GRK5: variants seen among roughly 807,000 people sequenced by gnomAD.
GRK5 encodes g protein-coupled receptor kinase GRK5.
In GRK5, 40 loss-of-function variants were observed where a neutral mutation model predicts 78.4. The ratio of observed to expected loss-of-function variants is 0.51; its 90% CI spans 0.40 to 0.66. The LOEUF is 0.66. Among genes scored for constraint, GRK5 ranks in the 30% least tolerant of loss-of-function variants. The probability of loss-of-function intolerance (pLI) is 0.00; values close to 1 mark genes in which losing one functional copy is unlikely to be tolerated. For missense variants in GRK5, 598 were observed against 759.9 expected, an observed-to-expected ratio of 0.79 and a Z score of 2.50; for synonymous variants, 289 against 296.8, an observed-to-expected ratio of 0.97 and a Z score of 0.27.
At chr10:119,256,091 C>T (rs974242050) in intron 1 of GRK5, among the ~76,000 whole-genome samples, 7 of 152,160 alleles carry the variant, frequency 4.6e-5, no homozygotes, top group South Asian at 2.1e-4. Flanking sequence ...TAGAAGACAC[C>T]GAGACTTGGT....
At chr10:119,340,960 C>T (rs577472338) in intron 2 of GRK5, among the ~76,000 whole-genome samples, 1 of 152,126 alleles carries the variant, frequency 6.6e-6, no homozygotes, top group Non-Finnish European at 1.5e-5. Context: ...GACCCTTTCT[C>T]GTAAAGCTGT....
rs930370268 is a variant in GRK5 at position 119,378,545 on chromosome 10, C to A, written c.149-2270C>A. Among the ~76,000 whole-genome samples, 1 of 152,272 alleles carries A rather than the reference C, an allele frequency of 6.6e-6. No individual in the cohort carries two copies. Among genetic ancestry groups the A allele is most frequent in the Non-Finnish European group, 1.5e-5 (1 of 68,046 alleles). Reference sequence around the variant, plus strand: ...ATGAAAGAAGGGGGCCTGGCCGCGGCTCTTTCCGTTCCAGGAGGCAGACAG... The same window carrying A: ...ATGAAAGAAGGGGGCCTGGCCGCGGATCTTTCCGTTCCAGGAGGCAGACAG... On this transcript the variant is annotated intron_variant, in intron 2 of 15. Coordinates refer to ENST00000392870, the MANE Select transcript of GRK5 (RefSeq NM_005308.3). The surrounding 1 kb of genome is among the most constrained non-coding windows in gnomAD (Gnocchi z 4.5).
chr10:119,247,924 G>A (rs1238046594), intron 1 of GRK5, among the ~76,000 whole-genome samples: 1 of 152,182 alleles, frequency 6.6e-6, no homozygotes, highest in Non-Finnish European at 1.5e-5. Flanking sequence ...CTGACATTTG[G>A]TGATAATCTT....
At chr10:119,325,584 G>C (rs538790863) in intron 1 of GRK5, among the ~76,000 whole-genome samples, 1 of 152,224 alleles carries the variant, frequency 6.6e-6, no homozygotes, top group African/African-American at 2.4e-5. Context: ...AAGCGCCACT[G>C]TAAGGGTGGA....
intron 2 of GRK5, among the ~76,000 whole-genome samples, chr10:119,330,551 C>A (rs552054084): frequency 6.6e-6 from 1 of 152,142 alleles, no homozygotes; most frequent in African/African-American, 2.4e-5. Context: ...AGGGAGGATG[C>A]GGACATTCAG....
chr10:119,256,945 A>G (rs61874475), intron 1 of GRK5, among the ~76,000 whole-genome samples: 1 of 152,292 alleles, frequency 6.6e-6, no homozygotes, highest in Non-Finnish European at 1.5e-5. Flanking sequence ...CTCTGGATTT[A>G]TCTATTGTGG....
chr10:119,365,090 A>G (rs928592231), intron 2 of GRK5, among the ~76,000 whole-genome samples: 1 of 152,344 alleles, frequency 6.6e-6, no homozygotes, highest in Non-Finnish European at 1.5e-5. Context: ...GCAGCGCCCC[A>G]GGCTGAGACA....
intron 2 of GRK5, among the ~76,000 whole-genome samples, chr10:119,362,600 G>A (rs544927047): frequency 1.3e-3 from 205 of 152,320 alleles, no homozygotes; most frequent in Middle Eastern, 0.01. Flanking sequence ...GTGTCTCACA[G>A]GGAAGAAGAA....
chr10:119,406,110 C>T (rs891961869), intron 4 of GRK5, among the ~76,000 whole-genome samples: 2 of 152,204 alleles, frequency 1.3e-5, no homozygotes, highest in African/African-American at 4.8e-5. Flanking sequence ...CTGCGACTTT[C>T]TACTTCATGA....
chr10:119,256,747 A>G (rs964114602), intron 1 of GRK5, among the ~76,000 whole-genome samples: 5 of 152,168 alleles, frequency 3.3e-5, no homozygotes, highest in African/African-American at 1.2e-4. Context: ...TTCACGTACC[A>G]TAATATTCTC....
intron 1 of GRK5, among the ~76,000 whole-genome samples, chr10:119,246,877 C>T (rs1397456312): frequency 6.6e-6 from 1 of 152,162 alleles, no homozygotes; most frequent in Non-Finnish European, 1.5e-5. Flanking sequence ...GGCTGGTCTC[C>T]TCGTGGATTT....
chr10:119,321,254 G>T (rs191645653), intron 1 of GRK5, among the ~76,000 whole-genome samples: 4 of 152,298 alleles, frequency 2.6e-5, no homozygotes, highest in African/African-American at 9.6e-5. Context: ...TCATTTAGGG[G>T]GATCCCCTGC....
At chr10:119,274,130 G>C (rs934720971) in intron 1 of GRK5, among the ~76,000 whole-genome samples, 13 of 152,170 alleles carry the variant, frequency 8.5e-5, no homozygotes, top group African/African-American at 3.1e-4. Flanking sequence ...TTGAAGCAAA[G>C]CTTGGTTAGC....
intron 1 of GRK5, among the ~76,000 whole-genome samples, chr10:119,297,929 C>T (rs1850111336): frequency 1.3e-5 from 2 of 152,202 alleles, no homozygotes; most frequent in Admixed American, 6.5e-5. Flanking sequence ...CTCTGAGCAG[C>T]ATTTGAAATT....
intron 1 of GRK5, among the ~76,000 whole-genome samples, chr10:119,269,355 G>A (rs1489415688): frequency 6.6e-6 from 1 of 152,174 alleles, no homozygotes; most frequent in Non-Finnish European, 1.5e-5. Context: ...CCAAACCCAT[G>A]GAAGGGGTTT....
At chr10:119,347,459 G>T (rs138897902) in intron 2 of GRK5, among the ~76,000 whole-genome samples, 1 of 152,162 alleles carries the variant, frequency 6.6e-6, no homozygotes, top group Non-Finnish European at 1.5e-5. Context: ...AAGTATGTGC[G>T]TGTTTGTGTG....
At chr10:119,367,051 G>A (rs1851461981) in intron 2 of GRK5, among the ~76,000 whole-genome samples, 1 of 152,122 alleles carries the variant, frequency 6.6e-6, no homozygotes, top group South Asian at 2.1e-4. Flanking sequence ...CTAGCATTGT[G>A]CCTGGTACGC....
chr10:119,228,931 T>A (rs577417581), intron 1 of GRK5, among the ~76,000 whole-genome samples: 6 of 152,136 alleles, frequency 3.9e-5, no homozygotes, highest in Non-Finnish European at 8.8e-5. Flanking sequence ...TTATTCCAGC[T>A]GTGTTACTTC....
chr10:119,319,111 G>T (rs1288081277), intron 1 of GRK5, among the ~76,000 whole-genome samples: 1 of 152,122 alleles, frequency 6.6e-6, no homozygotes, highest in Non-Finnish European at 1.5e-5. Flanking sequence ...ACCCTCCTTT[G>T]TTGGCCACTC....
Sources: allele counts gnomAD v4.1 joint callset (sites outside exome capture counted in the v4.1 genomes callset), GRCh38; gene constraint gnomAD v4.1.1; non-coding constraint Gnocchi (gnomAD v3.1); transcripts MANE v1.5; gene names NCBI Gene and HGNC (gene_info 2026-07-23, HGNC 2026-07-21).